ZFTRAF1: variants seen among roughly 807,000 people sequenced by gnomAD.
ZFTRAF1 encodes zinc finger TRAF-type and ring finger containing 1.
the ZFTRAF1 span, chr8:144,453,514 A>T: frequency 3.4e-6 from 5 of 1,470,832 alleles, no homozygotes; most frequent in Admixed American, 6.1e-5. Context: ...TCATGCTCGC[A>T]CACACCCGCC....
chr8:144,460,000 G>A, the ZFTRAF1 span, among the ~76,000 whole-genome samples: 5 of 152,200 alleles, frequency 3.3e-5, no homozygotes, highest in Admixed American at 6.5e-5. Context: ...CCAGGGACAC[G>A]CAGAAGGCAG....
chr8:144,450,127 G>C, the ZFTRAF1 span: 3 of 494,714 alleles, frequency 6.1e-6, no homozygotes, highest in South Asian at 2.3e-5. Context: ...GGCGCCTGGT[G>C]CACCGTCTCC....
the ZFTRAF1 span, chr8:144,454,140 G>A: frequency 6.6e-6 from 1 of 152,376 alleles, no homozygotes; most frequent in Non-Finnish European, 1.5e-5. Flanking sequence ...GCCTGCTGGG[G>A]TAACCGGGGC....
At chr8:144,461,414 GC>G in the ZFTRAF1 span, among the ~76,000 whole-genome samples, 1 of 152,216 alleles carries the variant, frequency 6.6e-6, no homozygotes, top group Non-Finnish European at 1.5e-5. Flanking sequence ...GTTTGTCCCT[GC>G]TGCTACCTGG....
the ZFTRAF1 span, chr8:144,450,451 G>T: frequency 1.4e-6 from 1 of 718,234 alleles, no homozygotes. Flanking sequence ...TGCACTCCAC[G>T]GAGTCAATGA....
At chr8:144,454,016 G>A in the ZFTRAF1 span, 1 of 154,834 alleles carries the variant, frequency 6.5e-6, no homozygotes, top group Non-Finnish European at 1.4e-5. Context: ...TACCTGCAGA[G>A]ACCTCCTCAG....
chr8:144,455,755 C>T, the ZFTRAF1 span: 2 of 152,276 alleles, frequency 1.3e-5, no homozygotes, highest in African/African-American at 4.8e-5. Context: ...CTAATGCCAC[C>T]CACCAAGGCC....
chr8:144,459,016 C>T, the ZFTRAF1 span, among the ~76,000 whole-genome samples: 4 of 152,390 alleles, frequency 2.6e-5, no homozygotes, highest in East Asian at 5.8e-4. Flanking sequence ...GGCCCAGGGC[C>T]TCATCTGACA....
chr8:144,456,468 C>T, the ZFTRAF1 span: 1 of 152,536 alleles, frequency 6.6e-6, no homozygotes, highest in Non-Finnish European at 1.5e-5. Context: ...GCCGCACAGT[C>T]CAGGGGATGG....
the ZFTRAF1 span, chr8:144,450,162 C>A: frequency 1.5e-3 from 809 of 543,482 alleles, 13 homozygotes; most frequent in Non-Finnish European, 2.8e-4. Context: ...CAGCCTCTGG[C>A]GGCCCTCGGA....
chr8:144,462,784 C>T, the ZFTRAF1 span: 1 of 151,726 alleles, frequency 6.6e-6, no homozygotes, highest in South Asian at 1.8e-4. Context: ...GCGCCGCCGC[C>T]TCAGTGGGCC....
At chr8:144,459,712 C>T in the ZFTRAF1 span, among the ~76,000 whole-genome samples, 1 of 152,372 alleles carries the variant, frequency 6.6e-6, no homozygotes, top group African/African-American at 2.4e-5. Flanking sequence ...CCCACAGCCC[C>T]AGTGCCAGGG....
chr8:144,459,148 G>A, the ZFTRAF1 span, among the ~76,000 whole-genome samples: 1 of 152,232 alleles, frequency 6.6e-6, no homozygotes, highest in African/African-American at 2.4e-5. Context: ...CCCGGGCACC[G>A]CTGAGGCTGT....
the ZFTRAF1 span, chr8:144,454,958 T>C: frequency 6.6e-6 from 1 of 152,290 alleles, no homozygotes; most frequent in African/African-American, 2.4e-5. Flanking sequence ...CCCTCTTTCA[T>C]GGAATCCACA....
chr8:144,456,923 G>A, the ZFTRAF1 span: 6 of 150,742 alleles, frequency 4.0e-5, no homozygotes, highest in African/African-American at 1.5e-4. Context: ...CTGGCATCAT[G>A]AGGGAATGAC....
the ZFTRAF1 span, among the ~76,000 whole-genome samples, chr8:144,459,390 C>G: frequency 6.6e-6 from 1 of 152,254 alleles, no homozygotes; most frequent in Non-Finnish European, 1.5e-5. Flanking sequence ...TATCTAACAC[C>G]CACACAGAGA....
the ZFTRAF1 span, among the ~76,000 whole-genome samples, chr8:144,461,744 G>A: frequency 2.6e-5 from 4 of 152,148 alleles, no homozygotes; most frequent in South Asian, 2.1e-4. Context: ...ACTGGAAATG[G>A]ACCAAGAGAA....
chr8:144,457,863 G>A, the ZFTRAF1 span: 1 of 152,284 alleles, frequency 6.6e-6, no homozygotes, highest in Non-Finnish European at 1.5e-5. Flanking sequence ...ACAGTGCCCA[G>A]GCCCATGGGA....
the ZFTRAF1 span, chr8:144,450,527 C>G: frequency 3.9e-5 from 28 of 718,318 alleles, no homozygotes; most frequent in Non-Finnish European, 1.0e-5. Flanking sequence ...GATGACGGGG[C>G]TGATCCTCAC....
Sources: allele counts gnomAD v4.1 joint callset (sites outside exome capture counted in the v4.1 genomes callset), GRCh38; gene constraint gnomAD v4.1.1; transcripts MANE v1.5; gene names NCBI Gene and HGNC (gene_info 2026-07-23, HGNC 2026-07-21).